The following MOB1B variants were observed in gnomAD, a reference collection of about 807,000 sequenced individuals.
The protein encoded by MOB1B is MOB1 Mps One Binder homolog B.
In MOB1B, 19 loss-of-function variants were observed where a neutral mutation model predicts 24.4. The observed-to-expected ratio is 0.78, with a 90% CI of 0.54 to 1.14. The LOEUF (loss-of-function observed/expected upper bound fraction) is 1.14, where lower values mean the gene tolerates loss of function less well. Ranked by LOEUF, MOB1B falls within the 50% of genes most tolerant of loss-of-function variation. The pLI, the probability that MOB1B is intolerant of heterozygous loss-of-function variation, is 0.00. For missense variants in MOB1B, 243 were observed against 259.6 expected, an observed-to-expected ratio of 0.94 and a Z score of 0.44; for synonymous variants, 76 against 82.1, an observed-to-expected ratio of 0.93 and a Z score of 0.40.
intron 1 of MOB1B, among the ~76,000 whole-genome samples, chr4:70,946,684 T>A (rs1283672931): frequency 1.3e-5 from 2 of 152,174 alleles, no homozygotes; most frequent in Non-Finnish European, 2.9e-5. Context: ...AATCAATTAG[T>A]GGTTTATTTT....
intron 1 of MOB1B, among the ~76,000 whole-genome samples, chr4:70,907,729 C>CT (rs968174823): frequency 1.3e-4 from 20 of 152,108 alleles, no homozygotes; most frequent in African/African-American, 4.6e-4. Context: ...GGGTGGATTG[C>CT]TTGAACCCAG....
intron 1 of MOB1B, among the ~76,000 whole-genome samples, chr4:70,955,464 C>CTT (rs36054184): frequency 0.04 from 3,532 of 89,138 alleles, 22 homozygotes; most frequent in African/African-American, 0.057. Context: ...AGTATGTGTC[C>CTT]TTTTTTTTTT....
At chr4:70,963,779 C>T (rs1738396573) in intron 2 of MOB1B, among the ~76,000 whole-genome samples, 2 of 152,042 alleles carry the variant, frequency 1.3e-5, no homozygotes, top group African/African-American at 2.4e-5. Context: ...GTGATTGCAC[C>T]ACTGCTCTCT....
At chr4:70,926,075 C>T (rs1736640778) in intron 1 of MOB1B, among the ~76,000 whole-genome samples, 1 of 152,150 alleles carries the variant, frequency 6.6e-6, no homozygotes, top group Non-Finnish European at 1.5e-5. Flanking sequence ...GCAACCTCAA[C>T]CTCCTGGGCT....
intron 2 of MOB1B, among the ~76,000 whole-genome samples, chr4:70,961,136 TA>T (rs1384043762): frequency 5.3e-5 from 8 of 152,176 alleles, no homozygotes; most frequent in Non-Finnish European, 1.2e-4. Flanking sequence ...AAGATTAATT[TA>T]AAATTAAGCA....
intron 1 of MOB1B, among the ~76,000 whole-genome samples, chr4:70,958,137 G>A (rs1738145842): frequency 6.6e-6 from 1 of 151,236 alleles, no homozygotes; most frequent in African/African-American, 2.4e-5. Flanking sequence ...CCTATAATTG[G>A]GTAGAAAAAC....
chr4:70,969,539 C>T (rs1213544968), intron 2 of MOB1B, among the ~76,000 whole-genome samples: 1 of 152,118 alleles, frequency 6.6e-6, no homozygotes, highest in Non-Finnish European at 1.5e-5. Context: ...ATTTGTAGTT[C>T]CATGATTACC....
intron 1 of MOB1B, among the ~76,000 whole-genome samples, chr4:70,909,811 C>T (rs978571845): frequency 6.6e-6 from 1 of 152,098 alleles, no homozygotes; most frequent in African/African-American, 2.4e-5. Flanking sequence ...ACTGCAACTT[C>T]CACCTCATGG....
chr4:70,930,923 G>A (rs1736866279), intron 1 of MOB1B, among the ~76,000 whole-genome samples: 1 of 150,242 alleles, frequency 6.7e-6, no homozygotes, highest in Non-Finnish European at 1.5e-5. Context: ...GACTGTATTA[G>A]CACTAAAGGG....
intron 1 of MOB1B, among the ~76,000 whole-genome samples, chr4:70,944,197 G>A (rs762673630): frequency 2.6e-5 from 4 of 152,138 alleles, no homozygotes; most frequent in African/African-American, 4.8e-5. Context: ...ACCATGCCCG[G>A]CTAATTTTTG....
chr4:70,959,139 G>T (rs1389088910), intron 2 of MOB1B, 99 bp downstream of exon 2: 3 of 895,132 alleles, frequency 3.4e-6, no homozygotes, highest in South Asian at 1.8e-5. Flanking sequence ...TAGTTAGTAA[G>T]CTAATATCAT....
chr4:70,914,908 T>C (rs1481784779), intron 1 of MOB1B, among the ~76,000 whole-genome samples: 1 of 152,200 alleles, frequency 6.6e-6, no homozygotes, highest in Admixed American at 6.5e-5. Context: ...ATGAAAGCAG[T>C]CTGAGATTCA....
chr4:70,934,579 G>A (rs533827984), intron 1 of MOB1B, among the ~76,000 whole-genome samples: 3 of 151,624 alleles, frequency 2.0e-5, no homozygotes, highest in South Asian at 2.1e-4. Context: ...TCAGCCTCCC[G>A]AGTAGCTGGG....
chr4:70,961,834 A>G (rs1216184990), intron 2 of MOB1B, among the ~76,000 whole-genome samples: 1 of 152,228 alleles, frequency 6.6e-6, no homozygotes, highest in East Asian at 1.9e-4. Flanking sequence ...AGAGGAGTAA[A>G]GGGAATTATT....
chr4:70,948,788 G>A (rs1560649989), intron 1 of MOB1B, among the ~76,000 whole-genome samples: 1 of 152,004 alleles, frequency 6.6e-6, no homozygotes, highest in East Asian at 1.9e-4. Flanking sequence ...ACAGGAAGGA[G>A]TAGGAACTGC....
At chr4:70,950,675 AATC>A (rs773153028) in intron 1 of MOB1B, 141 of 1,237,358 alleles carry the variant, frequency 1.1e-4, no homozygotes, top group Non-Finnish European at 1.5e-4. Flanking sequence ...AGTTAATATT[AATC>A]ATCATTATTA....
At chr4:70,972,377 G>A (rs1468442342) in intron 3 of MOB1B, among the ~76,000 whole-genome samples, 1 of 151,896 alleles carries the variant, frequency 6.6e-6, no homozygotes, top group Non-Finnish European at 1.5e-5. Context: ...ACCATACCCG[G>A]CTATTTTTGT....
At chr4:70,974,829 A>G (rs1159816305) in intron 3 of MOB1B, among the ~76,000 whole-genome samples, 1 of 152,242 alleles carries the variant, frequency 6.6e-6, no homozygotes, top group African/African-American at 2.4e-5. Context: ...AAAAGTAGTC[A>G]TCATAGAACT....
At position 70,902,485 on chromosome 4, in the gene MOB1B, G is replaced by A; in HGVS notation, c.-52G>A. On this transcript the variant is annotated 5_prime_UTR_variant, in exon 1 of 6. Coordinates refer to ENST00000309395, the MANE Select transcript of MOB1B (RefSeq NM_173468.4). ...CCTTTCCTCTTCTTTCCTGGCCCAC[G>A]CCGCTCCGAGGCCTCGCGACCGCCG... 1.3e-6 allele frequency: 2 copies of A among 1,548,568 alleles called. No homozygotes were observed. The highest frequency in any genetic ancestry group is 1.7e-6 in the Non-Finnish European group (2 of 1,144,774).
Sources: allele counts gnomAD v4.1 joint callset (sites outside exome capture counted in the v4.1 genomes callset), GRCh38; gene constraint gnomAD v4.1.1; transcripts MANE v1.5; gene names NCBI Gene and HGNC (gene_info 2026-07-23, HGNC 2026-07-21).